CMIP: variants seen among roughly 807,000 people sequenced by gnomAD.
CMIP encodes c-Maf inducing protein.
In CMIP, 13 loss-of-function variants were observed where a neutral mutation model predicts 97.3. The observed-to-expected ratio is 0.13, with a 90% confidence interval of 0.09 to 0.21. CMIP has a LOEUF of 0.21. CMIP is among the 10% of genes least tolerant of loss of function. The pLI is 1.00. For synonymous variants in CMIP, 538 were observed against 436.3 expected (o/e 1.23, Z -2.91); for missense variants, 847 against 1,024.9 (o/e 0.83, Z 2.37).
At chr16:81,540,192 C>T (rs543735867) in intron 1 of CMIP, among the ~76,000 whole-genome samples, 1 of 152,336 alleles carries the variant, frequency 6.6e-6, no homozygotes, top group East Asian at 1.9e-4. Context: ...GCTTAGTGAC[C>T]AGCATCGCTG....
In CMIP at chr16:81,538,696, C is replaced by G. The variant is rs188703394; in HGVS notation, c.301-68871C>G. On this transcript the variant is annotated intron_variant, in intron 1 of 20. Coordinates refer to ENST00000537098, the MANE Select transcript of CMIP (RefSeq NM_198390.3). ...CAAGTCACACTGATGTTGAGTCCAC[C>G]CTGAAGAATGTGTCAGGATATTCTC... Among the ~76,000 whole-genome samples the G allele has an allele frequency of 9.2e-5, 14 of 152,182 alleles. No individual in the cohort carries two copies. In the East Asian group the frequency reaches 2.7e-3, roughly 29 times the overall value.
intron 11 of CMIP, 44 bp from the exon 12 acceptor site, chr16:81,693,114 G>A (rs371836714): frequency 2.6e-5 from 40 of 1,557,950 alleles, no homozygotes; most frequent in South Asian, 6.7e-5. Flanking sequence ...TGCTGTTTCC[G>A]ACGCTTCTGT....
chr16:81,674,268 A>G (rs2092708701), intron 9 of CMIP, among the ~76,000 whole-genome samples: 1 of 152,162 alleles, frequency 6.6e-6, no homozygotes, highest in African/African-American at 2.4e-5. Context: ...AAGAGGAGAA[A>G]ACGGAAGCCA....
chr16:81,462,535 A>T (rs2150739198), intron 1 of CMIP, among the ~76,000 whole-genome samples: 1 of 152,284 alleles, frequency 6.6e-6, no homozygotes, highest in East Asian at 1.9e-4. Context: ...AAGTAGAAAG[A>T]TCAAGGTTTT....
At chr16:81,552,831 C>G (rs1263017937) in intron 1 of CMIP, among the ~76,000 whole-genome samples, 1 of 152,204 alleles carries the variant, frequency 6.6e-6, no homozygotes, top group Non-Finnish European at 1.5e-5. Flanking sequence ...CTCTCTCTTT[C>G]TCTGGCTTTG....
intron 15 of CMIP, 26 bp downstream of exon 15, chr16:81,699,827 TG>T (rs1907189031): frequency 6.6e-7 from 1 of 1,505,658 alleles, no homozygotes; most frequent in Non-Finnish European, 9.2e-7. Flanking sequence ...GGGTCCCTGG[TG>T]GGGTGGCTGG....
rs554814121 is a variant in CMIP at position 81,549,729 on chromosome 16, C to G, written c.301-57838C>G. On this transcript the variant is annotated intron_variant, in intron 1 of 20. Transcript: ENST00000537098. ...GCTAGACCTGGTAAGCTGGGCAGAC[C>G]GAGCCCAGAGCAGGGCCTGGGTGCC... is the stretch of plus-strand genomic sequence containing the variant. Among the ~76,000 whole-genome samples, 4 of 152,306 alleles carry G rather than the reference C, an allele frequency of 2.6e-5. No individual in the cohort carries two copies. The East Asian group carries it at 7.7e-4, about 29-fold the overall frequency.
intron 2 of CMIP, among the ~76,000 whole-genome samples, chr16:81,615,998 G>A (rs1361568335): frequency 1.3e-5 from 2 of 151,798 alleles, no homozygotes; most frequent in African/African-American, 2.4e-5. Context: ...TTTCCTTCTC[G>A]TCGCACTGGG....
intron 5 of CMIP, among the ~76,000 whole-genome samples, chr16:81,658,062 T>G (rs772455649): frequency 2.0e-5 from 3 of 152,114 alleles, no homozygotes; most frequent in East Asian, 3.8e-4. Flanking sequence ...CATAATCGCC[T>G]CCTCCTTCCT....
At chr16:81,651,308 C>G (rs983795965) in intron 3 of CMIP, 14 of 427,728 alleles carry the variant, frequency 3.3e-5, no homozygotes, top group African/African-American at 3.0e-4. Flanking sequence ...AGACCTCCGC[C>G]TTCCGAGGGC....
At chr16:81,602,716 C>T (rs976486076) in intron 1 of CMIP, among the ~76,000 whole-genome samples, 2 of 152,166 alleles carry the variant, frequency 1.3e-5, no homozygotes, top group Non-Finnish European at 2.9e-5. Flanking sequence ...AAAAATTTTT[C>T]GTCTGCTTAT....
chr16:81,663,572 T>C (rs2092570623), intron 6 of CMIP, among the ~76,000 whole-genome samples: 1 of 152,118 alleles, frequency 6.6e-6, no homozygotes, highest in South Asian at 2.1e-4. Flanking sequence ...CATTAGACAT[T>C]TGTCTAAACA....
intron 1 of CMIP, among the ~76,000 whole-genome samples, chr16:81,604,238 A>G (rs150196001): frequency 0.011 from 1,707 of 151,742 alleles, 30 homozygotes; most frequent in African/African-American, 0.039. Flanking sequence ...TACTAAAAAT[A>G]CTGAAAAATT....
intron 1 of CMIP, among the ~76,000 whole-genome samples, chr16:81,482,623 C>A (rs7187136): frequency 3.3e-5 from 5 of 152,076 alleles, no homozygotes; most frequent in Non-Finnish European, 7.4e-5. Context: ...GCCCCTGCCC[C>A]TCCCCCACCT....
intron 1 of CMIP, among the ~76,000 whole-genome samples, chr16:81,523,051 C>T (rs183827652): frequency 9.2e-5 from 14 of 152,100 alleles, no homozygotes; most frequent in African/African-American, 3.1e-4. Context: ...CTCAGCCCCC[C>T]AAGTAGCTGG....
At chr16:81,482,782 C>T (rs2089246472) in intron 1 of CMIP, among the ~76,000 whole-genome samples, 1 of 152,210 alleles carries the variant, frequency 6.6e-6, no homozygotes, top group South Asian at 2.1e-4. Flanking sequence ...AATCCAAACT[C>T]CACCACATCC....
In CMIP at chr16:81,652,178, C is replaced by T. The variant is rs749869414; in HGVS notation, c.478-25C>T. ...CCTTCCTTACGTGAGTAACATGTTG[C>T]TGTCTCTTTATCTCTTTCAACCAGA... On this transcript the variant is annotated intron_variant, in intron 3 of 20. Transcript: ENST00000537098. This position sits in a 1 kb window ranked among gnomAD's most constrained non-coding sequence, Gnocchi z 5.2. The T allele has an allele frequency of 2.5e-6, 4 of 1,589,184 alleles. No individual in the cohort carries two copies. The highest frequency in any genetic ancestry group is 1.1e-5 in the South Asian group (1 of 90,376).
chr16:81,563,764 T>G (rs1173122181), intron 1 of CMIP, among the ~76,000 whole-genome samples: 2 of 152,206 alleles, frequency 1.3e-5, no homozygotes, highest in Non-Finnish European at 2.9e-5. Context: ...GGTGCAGAGG[T>G]GCCCTGGGAG....
At position 81,507,058 on chromosome 16, in the gene CMIP, C is replaced by T. The variant is rs113901783; in HGVS notation, c.300+61517C>T. The stretch of plus-strand genomic sequence containing the variant: ...ACGAGGTCAGGAGATCGAGACCATC[C>T]TGGCTAACATGGTGAAACCTCATCT... On this transcript the variant is annotated intron_variant, in intron 1 of 20. Transcript: ENST00000537098. Among the ~76,000 whole-genome samples the T allele has an allele frequency of 1.2e-3, 189 of 152,272 alleles. 2 individuals are homozygous for T. Among genetic ancestry groups the T allele is most frequent in the African/African-American group, 4.3e-3 (178 of 41,532 alleles).
Sources: gnomAD v4.1 joint callset for allele counts (sites outside exome capture counted in the v4.1 genomes callset) on GRCh38, gnomAD v4.1.1 for gene constraint, Gnocchi (gnomAD v3.1) non-coding constraint, MANE v1.5 for transcripts, NCBI Gene and HGNC (gene_info 2026-07-23, HGNC 2026-07-21) for gene names.